TRPM3: variants seen among roughly 807,000 people sequenced by gnomAD.
The protein encoded by TRPM3 is transient receptor potential cation channel subfamily M member 3.
TRPM3 carries 77 observed loss-of-function variants against 181.2 expected under a neutral mutation model. That is an observed-to-expected ratio of 0.42 (90% CI 0.35 to 0.51). TRPM3 has a LOEUF of 0.51. Among genes scored for constraint, TRPM3 ranks in the 20% least tolerant of loss-of-function variants. TRPM3 has a pLI of 0.01. For synonymous variants in TRPM3, 745 were observed against 796.4 expected (o/e 0.94, Z 1.09); for missense variants, 1,759 against 2,196.7 (o/e 0.80, Z 3.98).
At chr9:71,228,046 G>T (rs531335734) in intron 1 of TRPM3, among the ~76,000 whole-genome samples, 187 of 152,170 alleles carry the variant, frequency 1.2e-3, no homozygotes, top group African/African-American at 4.3e-3. Flanking sequence ...AAAACTACAG[G>T]CCAACATCTT....
chr9:71,305,824 G>A (rs998192540), intron 1 of TRPM3, among the ~76,000 whole-genome samples: 1 of 152,022 alleles, frequency 6.6e-6, no homozygotes, highest in African/African-American at 2.4e-5. Flanking sequence ...GTTCTTTACC[G>A]CCATATCTGC....
chr9:70,802,588 T>A (rs2089441029), intron 6 of TRPM3, among the ~76,000 whole-genome samples: 1 of 152,180 alleles, frequency 6.6e-6, no homozygotes, highest in African/African-American at 2.4e-5. Context: ...ACTAACCAAG[T>A]TGGAAATCTG....
At position 71,028,649 on chromosome 9, in the gene TRPM3, G is replaced by A. The variant is rs560244706; in HGVS notation, c.177+92529C>T. Among the ~76,000 whole-genome samples the A allele has an allele frequency of 6.6e-5, 10 of 150,790 alleles. No homozygotes were observed. In the South Asian group the frequency reaches 2.1e-3, roughly 32 times the overall value. ...CCAAATGAAAAAAAAAAAAAAGCAG[G>A]AATTACAATCCTTACTTCAGACAAA... On this transcript the variant is annotated intron_variant, in intron 1 of 25. Transcript: ENST00000677713.
At chr9:71,313,450 T>G (rs2088201420) in intron 1 of TRPM3, among the ~76,000 whole-genome samples, 1 of 152,144 alleles carries the variant, frequency 6.6e-6, no homozygotes, top group Non-Finnish European at 1.5e-5. Context: ...ACATAGCAAA[T>G]GCATTAAGAT....
At position 70,559,689 on chromosome 9, in the gene TRPM3, C is replaced by T. The variant is rs563251773; in HGVS notation, c.3224-6379G>A. On this transcript the variant is annotated intron_variant, in intron 22 of 25. Transcript: ENST00000677713. ...AATTGACGCAAGAGAAGGGACCTTT[C>T]TCTCAGTCCCAGTAGAAATGGGAAT... 5.3e-5 allele frequency among the ~76,000 whole-genome samples: 8 copies of T among 152,352 alleles called. No homozygotes were observed. The South Asian group carries it at 1.7e-3, about 32-fold the overall frequency.
chr9:71,335,614 TACCC>T, intron 1 of TRPM3, among the ~76,000 whole-genome samples: 1 of 152,136 alleles, frequency 6.6e-6, no homozygotes, highest in African/African-American at 2.4e-5. Context: ...AATCAAAACT[TACCC>T]TAATGTTTGG....
At chr9:70,828,628 A>G (rs1028000935) in intron 5 of TRPM3, among the ~76,000 whole-genome samples, 3 of 151,232 alleles carry the variant, frequency 2.0e-5, no homozygotes, top group Non-Finnish European at 2.9e-5. Context: ...GTCTCATTCT[A>G]CCTTTTTTGT....
At chr9:71,158,300 T>G (rs1456794423) in intron 1 of TRPM3, among the ~76,000 whole-genome samples, 1 of 152,108 alleles carries the variant, frequency 6.6e-6, no homozygotes, top group Non-Finnish European at 1.5e-5. Context: ...GAAAATAACT[T>G]GACCAAAGCT....
At chr9:71,242,326 A>G (rs2081755905) in intron 1 of TRPM3, among the ~76,000 whole-genome samples, 1 of 152,158 alleles carries the variant, frequency 6.6e-6, no homozygotes, top group Non-Finnish European at 1.5e-5. Context: ...TAGTCAGTTA[A>G]CTGAGGAAAT....
At chr9:71,371,160 G>T (rs1243617589) in intron 1 of TRPM3, among the ~76,000 whole-genome samples, 1 of 152,100 alleles carries the variant, frequency 6.6e-6, no homozygotes, top group African/African-American at 2.4e-5. Context: ...GTTGAATGTT[G>T]TTTTCATGCC....
At chr9:70,962,009 AC>A (rs1259331600) in intron 1 of TRPM3, among the ~76,000 whole-genome samples, 3 of 152,176 alleles carry the variant, frequency 2.0e-5, no homozygotes, top group Non-Finnish European at 4.4e-5. Flanking sequence ...GAAATAGAAA[AC>A]AAATTATAAA....
At chr9:70,553,539 A>T (rs2046941860) in intron 22 of TRPM3, among the ~76,000 whole-genome samples, 1 of 152,094 alleles carries the variant, frequency 6.6e-6, no homozygotes, top group Non-Finnish European at 1.5e-5. Flanking sequence ...CCAAGTTATC[A>T]CCTGACCAGA....
chr9:71,035,164 A>G (rs1343713787), intron 1 of TRPM3, among the ~76,000 whole-genome samples: 1 of 152,204 alleles, frequency 6.6e-6, no homozygotes, highest in Non-Finnish European at 1.5e-5. Flanking sequence ...CGTAATTAGT[A>G]AAAACATGAT....
intron 1 of TRPM3, among the ~76,000 whole-genome samples, chr9:71,248,148 G>A (rs2082141912): frequency 6.6e-6 from 1 of 152,216 alleles, no homozygotes; most frequent in Admixed American, 6.5e-5. Flanking sequence ...ATTACTGGTT[G>A]TCAGTCTGAA....
intron 1 of TRPM3, among the ~76,000 whole-genome samples, chr9:71,092,826 A>G (rs796948753): frequency 1.1e-4 from 16 of 152,288 alleles, no homozygotes; most frequent in African/African-American, 3.4e-4. Context: ...GCCTCCCATC[A>G]TGCTACCTAA....
intron 7 of TRPM3, among the ~76,000 whole-genome samples, chr9:70,783,179 A>G (rs1452407551): frequency 6.6e-6 from 1 of 152,046 alleles, no homozygotes; most frequent in African/African-American, 2.4e-5. Context: ...TTACATCTTA[A>G]TGTTTGGCCT....
intron 1 of TRPM3, among the ~76,000 whole-genome samples, chr9:71,053,198 T>TTATAA (rs779165902): frequency 1.3e-4 from 19 of 151,678 alleles, no homozygotes; most frequent in Non-Finnish European, 1.9e-4. Context: ...AAATTTCAGT[T>TTATAA]TCCTGCTAAA....
At chr9:71,212,663 T>G (rs1230582325) in intron 1 of TRPM3, among the ~76,000 whole-genome samples, 1 of 152,154 alleles carries the variant, frequency 6.6e-6, no homozygotes, top group Non-Finnish European at 1.5e-5. Flanking sequence ...GAAAGACACT[T>G]TCAAGATAAA....
intron 1 of TRPM3, among the ~76,000 whole-genome samples, chr9:70,892,914 A>T (rs1469822947): frequency 1.3e-5 from 2 of 152,204 alleles, no homozygotes; most frequent in Non-Finnish European, 2.9e-5. Flanking sequence ...AAGGTCACTT[A>T]ATTTCTACAT....
Sources: gnomAD v4.1 joint callset for allele counts (sites outside exome capture counted in the v4.1 genomes callset) on GRCh38, gnomAD v4.1.1 for gene constraint, MANE v1.5 for transcripts, NCBI Gene and HGNC (gene_info 2026-07-23, HGNC 2026-07-21) for gene names.